DDAH1: variants seen among roughly 807,000 people sequenced by gnomAD.
DDAH1 encodes dimethylarginine dimethylaminohydrolase 1, also known as N(G),N(G)-dimethylarginine dimethylaminohydrolase 1.
DDAH1 carries 19 observed loss-of-function variants against 28.8 expected under a neutral mutation model. The ratio of observed to expected loss-of-function variants is 0.66; its 90% CI spans 0.46 to 0.97. DDAH1 has a LOEUF of 0.97. Ranked by LOEUF, DDAH1 falls within the 50% of genes least tolerant of loss-of-function variation. DDAH1 has a pLI of 0.00. For synonymous variants in DDAH1, 153 were observed against 154.4 expected (o/e 0.99, Z 0.07); for missense variants, 326 against 375.9 (o/e 0.87, Z 1.10).
At chr1:85,425,956 G>C (rs893372731) in intron 1 of DDAH1, among the ~76,000 whole-genome samples, 1 of 152,080 alleles carries the variant, frequency 6.6e-6, no homozygotes, top group Non-Finnish European at 1.5e-5. Context: ...AGCTACCGGG[G>C]ATATACATTT....
At chr1:85,404,119 G>C (rs1011577253) in intron 1 of DDAH1, among the ~76,000 whole-genome samples, 3 of 151,308 alleles carry the variant, frequency 2.0e-5, no homozygotes, top group Non-Finnish European at 4.4e-5. Flanking sequence ...CCATACGAAA[G>C]AAAAAAAAGG....
chr1:85,533,303 T>A (rs1570650102), intron 1 of DDAH1, among the ~76,000 whole-genome samples: 2 of 152,156 alleles, frequency 1.3e-5, no homozygotes, highest in Admixed American at 6.5e-5. Context: ...TAAGAGAAAA[T>A]CAAAATTGCG....
At chr1:85,337,357 G>T (rs774436171) in intron 4 of DDAH1, among the ~76,000 whole-genome samples, 1 of 151,930 alleles carries the variant, frequency 6.6e-6, no homozygotes, top group Non-Finnish European at 1.5e-5. Flanking sequence ...AAAAGTTAAA[G>T]TTCTGTTGGA....
At chr1:85,435,062 G>A (rs1437638139) in intron 1 of DDAH1, 1 of 151,882 alleles carries the variant, frequency 6.6e-6, no homozygotes, top group East Asian at 1.9e-4. Flanking sequence ...ATTTTTCCAA[G>A]GCATTTTATA....
At chr1:85,355,029 CAAAG>C (rs1234926710) in intron 2 of DDAH1, among the ~76,000 whole-genome samples, 1 of 151,838 alleles carries the variant, frequency 6.6e-6, no homozygotes, top group Non-Finnish European at 1.5e-5. Context: ...CTCTGGCAAA[CAAAG>C]AAAGAAGGCA....
At chr1:85,506,028 A>T (rs531931042) in intron 1 of DDAH1, among the ~76,000 whole-genome samples, 1 of 152,364 alleles carries the variant, frequency 6.6e-6, no homozygotes, top group African/African-American at 2.4e-5. Flanking sequence ...GATGTATAAA[A>T]TGTGGCTATT....
intron 1 of DDAH1, among the ~76,000 whole-genome samples, chr1:85,501,237 T>G (rs1291142567): frequency 6.6e-6 from 1 of 152,234 alleles, no homozygotes. Flanking sequence ...AAGCTGTTTT[T>G]AAACTTTATT....
chr1:85,379,418 C>T (rs552693428), intron 1 of DDAH1, among the ~76,000 whole-genome samples: 14 of 152,166 alleles, frequency 9.2e-5, no homozygotes, highest in Non-Finnish European at 1.5e-4. Context: ...CCATGAATTA[C>T]GTAATATTTG....
Position 85,349,114 on chromosome 1 carries a change from G to T in DDAH1, c.597+1301C>A, listed in dbSNP as rs953192318. ...TCAAATGTTTTCTTTCAAGACACCA[G>T]CTTTTTTTATATGCAAGAAGTTGAC... On this transcript the variant is annotated intron_variant, in intron 4 of 5. Coordinates refer to ENST00000284031, the MANE Select transcript of DDAH1 (RefSeq NM_012137.4). Among the ~76,000 whole-genome samples, 6 of 152,284 alleles carry T rather than the reference G, an allele frequency of 3.9e-5. No homozygotes were observed. The South Asian group carries it at 1.2e-3, about 32-fold the overall frequency.
chr1:85,497,708 T>C (rs1395631796), intron 1 of DDAH1, among the ~76,000 whole-genome samples: 1 of 152,232 alleles, frequency 6.6e-6, no homozygotes, highest in Non-Finnish European at 1.5e-5. Flanking sequence ...TTAACTCAAA[T>C]ACAATACTTG....
At chr1:85,497,980 G>A (rs1031405057) in intron 1 of DDAH1, among the ~76,000 whole-genome samples, 1 of 152,136 alleles carries the variant, frequency 6.6e-6, no homozygotes, top group African/African-American at 2.4e-5. Flanking sequence ...GCATCTCTCT[G>A]GGTGAACTAA....
chr1:85,399,913 C>T (rs1408274006), intron 1 of DDAH1: 1 of 152,154 alleles, frequency 6.6e-6, no homozygotes, highest in Non-Finnish European at 1.5e-5. Context: ...TATTTTATGG[C>T]ATAAAATGTT....
At chr1:85,537,811 T>C (rs1326528007) in intron 1 of DDAH1, among the ~76,000 whole-genome samples, 1 of 151,316 alleles carries the variant, frequency 6.6e-6, no homozygotes, top group Admixed American at 6.6e-5. Flanking sequence ...TTGTTCTCAT[T>C]TACAAGTATT....
At chr1:85,347,018 C>T (rs1648891742) in intron 4 of DDAH1, among the ~76,000 whole-genome samples, 1 of 152,040 alleles carries the variant, frequency 6.6e-6, no homozygotes, top group South Asian at 2.1e-4. Context: ...TGAAAAAATG[C>T]TCATCATCAC....
At chr1:85,455,155 T>C (rs1415452852) in intron 1 of DDAH1, among the ~76,000 whole-genome samples, 2 of 152,182 alleles carry the variant, frequency 1.3e-5, no homozygotes, top group African/African-American at 2.4e-5. Flanking sequence ...AGCTGGAAAA[T>C]ATGATTACAT....
At chr1:85,519,756 T>C (rs1657607660) in intron 1 of DDAH1, among the ~76,000 whole-genome samples, 1 of 152,176 alleles carries the variant, frequency 6.6e-6, no homozygotes, top group Non-Finnish European at 1.5e-5. Context: ...TGTGTAAAGA[T>C]ATTACTTGGG....
chr1:85,513,826 T>C (rs1470448593), intron 1 of DDAH1, among the ~76,000 whole-genome samples: 1 of 152,200 alleles, frequency 6.6e-6, no homozygotes, highest in Non-Finnish European at 1.5e-5. Context: ...CCAGTTAGAA[T>C]GGCAATCATT....
rs528204883 is a variant in DDAH1 at position 85,536,144 on chromosome 1, T to C, written c.-122-39863A>G. On this transcript the variant is annotated intron_variant, in intron 1 of 6. Transcript: ENST00000426972. ...CCCAGCTACTTGGAAGGCTGAGGGA[T>C]GAGAATTGCTTGAACCCAGGAGGCA... Among the ~76,000 whole-genome samples, 415 of 148,964 alleles carry C rather than the reference T, an allele frequency of 2.8e-3. 2 individuals carry two copies. The highest frequency in any genetic ancestry group is 5.0e-3 in the Non-Finnish European group (333 of 66,964).
Position 85,465,064 on chromosome 1 carries a change from G to GGCC in DDAH1, c.-20_-19insGGC, listed in dbSNP as rs1214186788. 8.2e-7 allele frequency: 1 copy of GGCC among 1,223,606 alleles called. No homozygotes were observed. The highest frequency in any genetic ancestry group is 1.6e-5 in the African/African-American group (1 of 63,332). 75.8% of individuals were successfully genotyped at this position (1,223,606 alleles called of 1,614,324 possible). A position where few individuals can be genotyped will look rare whatever the true frequency, so the allele number is the denominator to read the frequency against. On this transcript the variant is annotated 5_prime_UTR_variant, in exon 1 of 6. Coordinates refer to ENST00000284031, the MANE Select transcript of DDAH1 (RefSeq NM_012137.4). ...CGGCCATGGCTTCGGGAGGCTTAGG[G>GGCC]GCGGCGGCGGCGGCGGAGGCGGCCG...
Sources: allele counts gnomAD v4.1 joint callset (sites outside exome capture counted in the v4.1 genomes callset), GRCh38; gene constraint gnomAD v4.1.1; transcripts MANE v1.5; gene names NCBI Gene and HGNC (gene_info 2026-07-23, HGNC 2026-07-21).